The following TMPRSS15 variants were observed in gnomAD, a reference collection of about 807,000 sequenced individuals.
TMPRSS15 encodes the protein transmembrane serine protease 15, also known as enteropeptidase.
Under a neutral mutation model 125.3 loss-of-function variants are expected in TMPRSS15, and 128 were observed. That is an observed-to-expected ratio of 1.02 (90% confidence interval 0.89 to 1.18). The LOEUF is 1.18. TMPRSS15 is among the 50% of genes most tolerant of loss of function. TMPRSS15 has a pLI of 0.00. For synonymous variants in TMPRSS15, 446 were observed against 423.2 expected, an observed-to-expected ratio of 1.05 and a Z score of -0.66; for missense variants, 1,283 against 1,212.7, an observed-to-expected ratio of 1.06 and a Z score of -0.86.
At chr21:18,422,130 T>C (rs943849835) in intron 1 of TMPRSS15, among the ~76,000 whole-genome samples, 1 of 151,954 alleles carries the variant, frequency 6.6e-6, no homozygotes, top group Non-Finnish European at 1.5e-5. Context: ...ATTACAGGTG[T>C]GCACCATCAT....
chr21:18,350,589 C>CTG (rs1173209185), intron 10 of TMPRSS15, among the ~76,000 whole-genome samples: 2 of 152,118 alleles, frequency 1.3e-5, no homozygotes, highest in South Asian at 2.1e-4. Context: ...CTTTCAATTC[C>CTG]TTACAGTTTT....
chr21:18,360,809 G>T (rs1370501789), intron 7 of TMPRSS15, among the ~76,000 whole-genome samples: 2 of 151,546 alleles, frequency 1.3e-5, no homozygotes, highest in African/African-American at 4.9e-5. Flanking sequence ...TTCTATTTCT[G>T]TAAAAAACCT....
chr21:18,271,167 G>A (rs1411554993), intron 24 of TMPRSS15, among the ~76,000 whole-genome samples: 1 of 152,128 alleles, frequency 6.6e-6, no homozygotes. Flanking sequence ...ATGTGTGCAA[G>A]GTGTTTGAAA....
intron 1 of TMPRSS15, among the ~76,000 whole-genome samples, chr21:18,413,616 G>A (rs1160599930): frequency 2.8e-5 from 4 of 145,164 alleles, no homozygotes; most frequent in Non-Finnish European, 6.0e-5. Flanking sequence ...TTTTAATAGA[G>A]ACGGAGTTTC....
Position 18,451,716 on chromosome 21 carries a change from T to C in TMPRSS15, c.10+34083A>G, listed in dbSNP as rs73895621. On this transcript the variant is annotated intron_variant, in intron 1 of 7. Transcript: ENST00000422787. ...GTTTCACTTGTTATTAAATTTACTTTTTCTCTCTTCTACTCTGTTTTCTAT... is the reference window on the plus strand; with the variant it reads ...GTTTCACTTGTTATTAAATTTACTTCTTCTCTCTTCTACTCTGTTTTCTAT... Among the ~76,000 whole-genome samples the C allele has an allele frequency of 3.3e-3, 504 of 152,302 alleles. 2 individuals are homozygous for C. The highest frequency in any genetic ancestry group is 0.012 in the African/African-American group (485 of 41,574).
chr21:18,280,272 C>A (rs1173889163), intron 22 of TMPRSS15, among the ~76,000 whole-genome samples: 1 of 152,020 alleles, frequency 6.6e-6, no homozygotes, highest in Non-Finnish European at 1.5e-5. Flanking sequence ...ATCGAATCTC[C>A]ATTAAAAACT....
Position 18,278,947 on chromosome 21 carries a change from T to TTTTA in TMPRSS15, c.2764+16_2764+17insTAAA. The TTTTA allele has an allele frequency of 3.4e-6, 3 of 884,078 alleles. No individual in the cohort carries two copies. The highest frequency in any genetic ancestry group is 2.4e-5 in the Admixed American group (1 of 42,190). 54.8% of individuals were successfully genotyped at this position (884,078 alleles called of 1,614,324 possible). On this transcript the variant is annotated intron_variant, in intron 23 of 24. Coordinates refer to ENST00000284885, the MANE Select transcript of TMPRSS15 (RefSeq NM_002772.3). ...AGGTTTTTTTTTTTTTTTTTTTTTTTGAGTCTGATAATTTACCTTGATATA... is the reference window on the plus strand; with the variant it reads ...AGGTTTTTTTTTTTTTTTTTTTTTTTTTTAGAGTCTGATAATTTACCTTGATATA...
intron 1 of TMPRSS15, among the ~76,000 whole-genome samples, chr21:18,440,996 G>A (rs1278218010): frequency 6.6e-6 from 1 of 152,088 alleles, no homozygotes; most frequent in Non-Finnish European, 1.5e-5. Context: ...AAAAAAAATA[G>A]GATTATGAAA....
intron 16 of TMPRSS15, among the ~76,000 whole-genome samples, chr21:18,325,632 T>C (rs73194620): frequency 6.6e-6 from 1 of 151,788 alleles, no homozygotes; most frequent in African/African-American, 2.4e-5. Context: ...GAAAGAGAGA[T>C]GTAGGAAGTA....
intron 8 of TMPRSS15, among the ~76,000 whole-genome samples, chr21:18,356,308 T>C (rs940446463): frequency 3.3e-5 from 5 of 151,776 alleles, no homozygotes; most frequent in African/African-American, 1.2e-4. Context: ...ACTACTTATA[T>C]TATCCAATTT....
intron 23 of TMPRSS15, among the ~76,000 whole-genome samples, chr21:18,276,821 G>A (rs1302332275): frequency 6.8e-5 from 10 of 147,380 alleles, no homozygotes; most frequent in African/African-American, 2.5e-4. Context: ...GTGCAATGGC[G>A]CAATCTCGGC....
chr21:18,304,488 A>T, intron 18 of TMPRSS15, among the ~76,000 whole-genome samples: 1 of 152,222 alleles, frequency 6.6e-6, no homozygotes, highest in Middle Eastern at 3.4e-3. Context: ...AATCCATGGA[A>T]GTTCATGATA....
chr21:18,339,286 C>T (rs1484482613), intron 13 of TMPRSS15, among the ~76,000 whole-genome samples: 1 of 152,100 alleles, frequency 6.6e-6, no homozygotes, highest in Admixed American at 6.5e-5. Context: ...TGTAAGTGCT[C>T]ATTCAATATG....
chr21:18,315,279 G>T (rs1342259200), intron 16 of TMPRSS15, 23 bp from the exon 17 acceptor site: 2 of 1,575,028 alleles, frequency 1.3e-6, no homozygotes, highest in Non-Finnish European at 1.7e-6. Flanking sequence ...AATGTTTATT[G>T]TATAGGATAA....
intron 21 of TMPRSS15, among the ~76,000 whole-genome samples, chr21:18,285,378 A>G (rs2074750722): frequency 6.6e-6 from 1 of 152,228 alleles, no homozygotes; most frequent in Admixed American, 6.5e-5. Context: ...GCATCACAAC[A>G]GGCTGAAGGG....
At chr21:18,466,116 C>A (rs1978654838) in intron 1 of TMPRSS15, among the ~76,000 whole-genome samples, 1 of 152,136 alleles carries the variant, frequency 6.6e-6, no homozygotes, top group Non-Finnish European at 1.5e-5. Context: ...CACATATCTA[C>A]AACCATCTGA....
chr21:18,289,267 C>T (rs1343048883), intron 21 of TMPRSS15, among the ~76,000 whole-genome samples: 1 of 152,150 alleles, frequency 6.6e-6, no homozygotes, highest in East Asian at 1.9e-4. Flanking sequence ...AATCCCAGCA[C>T]TTTGAGAGGC....
chr21:18,307,501 T>C (rs2146925984), intron 18 of TMPRSS15, among the ~76,000 whole-genome samples: 1 of 152,266 alleles, frequency 6.6e-6, no homozygotes, highest in African/African-American at 2.4e-5. Flanking sequence ...CATGCCTTTA[T>C]TGACTTAAGT....
At chr21:18,474,501 G>A (rs1273711727) in intron 1 of TMPRSS15, among the ~76,000 whole-genome samples, 1 of 151,978 alleles carries the variant, frequency 6.6e-6, no homozygotes, top group Non-Finnish European at 1.5e-5. Flanking sequence ...TGTTGGTCAG[G>A]CTGGTCTCAA....
Sources: allele counts gnomAD v4.1 joint callset (sites outside exome capture counted in the v4.1 genomes callset), GRCh38; gene constraint gnomAD v4.1.1; transcripts MANE v1.5; gene names NCBI Gene and HGNC (gene_info 2026-07-23, HGNC 2026-07-21).